The following STK39 variants were observed in gnomAD, a reference collection of about 807,000 sequenced individuals.
STK39 encodes the protein serine/threonine kinase 39.
In STK39, 20 loss-of-function variants were observed where a neutral mutation model predicts 77.8. The ratio of observed to expected loss-of-function variants is 0.26; its 90% CI spans 0.18 to 0.37. The LOEUF (loss-of-function observed/expected upper bound fraction) is 0.37, where lower values mean the gene tolerates loss of function less well. Among genes scored for constraint, STK39 ranks in the 10% least tolerant of loss-of-function variants. The probability of loss-of-function intolerance (pLI) is 1.00; values close to 1 mark genes in which losing one functional copy is unlikely to be tolerated. For missense variants in STK39, 479 were observed against 656.5 expected, an observed-to-expected ratio of 0.73 and a Z score of 2.95; for synonymous variants, 246 against 234.1, an observed-to-expected ratio of 1.05 and a Z score of -0.47.
intron 15 of STK39, among the ~76,000 whole-genome samples, chr2:168,014,358 C>T (rs551593340): frequency 7.9e-5 from 12 of 152,052 alleles, no homozygotes; most frequent in Non-Finnish European, 8.8e-5. Flanking sequence ...GTGGCATGTA[C>T]CTCTGGTCCC....
At chr2:168,022,792 G>T (rs139646087) in intron 14 of STK39, among the ~76,000 whole-genome samples, 28 of 152,230 alleles carry the variant, frequency 1.8e-4, no homozygotes, top group African/African-American at 6.7e-4. Context: ...TCAAATAAAT[G>T]ATACACAGAC....
At chr2:168,085,599 G>T (rs912171030) in intron 10 of STK39, among the ~76,000 whole-genome samples, 34 of 152,328 alleles carry the variant, frequency 2.2e-4, no homozygotes, top group African/African-American at 7.7e-4. Flanking sequence ...GCTGCCACAG[G>T]ATGAAACTTT....
At chr2:168,009,394 A>C (rs1423543303) in intron 16 of STK39, among the ~76,000 whole-genome samples, 1 of 152,194 alleles carries the variant, frequency 6.6e-6, no homozygotes, top group Non-Finnish European at 1.5e-5. Flanking sequence ...AAAAACAAAC[A>C]AGGAAAAGCT....
intron 1 of STK39, among the ~76,000 whole-genome samples, chr2:168,186,946 G>A (rs866028188): frequency 2.6e-5 from 4 of 152,170 alleles, no homozygotes; most frequent in African/African-American, 9.7e-5. Context: ...GATACAGCAT[G>A]ATGAGCATAA....
chr2:167,988,838 G>A lies in STK39; in HGVS notation c.1498+23796C>T, dbSNP rs1027497218. 7.8e-4 allele frequency among the ~76,000 whole-genome samples: 119 copies of A among 152,258 alleles called. 1 individual carries two copies. Among genetic ancestry groups the A allele is most frequent in the Non-Finnish European group, 2.6e-4 (18 of 68,026 alleles). ...GCCTCTAGAAAGCATATGGAACAAA[G>A]AGGACTGAGAAGACTGGCAGCTTAC... On this transcript the variant is annotated intron_variant, in intron 16 of 17. Transcript: ENST00000355999.
rs1296747890 is a variant in STK39, at chr2:168,242,560, A to AAAT, written c.208+4667_208+4668insATT. ...CAAGACTCTTACAAAAAAAAAAAAA[A>AAAT]ATATATATATATATATATATATATA... On this transcript the variant is annotated intron_variant, in intron 1 of 17. Coordinates refer to ENST00000355999, the MANE Select transcript of STK39 (RefSeq NM_013233.3). Among the ~76,000 whole-genome samples, 127 of 44,808 alleles carry AAAT rather than the reference A, an allele frequency of 2.8e-3. 1 individual carries two copies. The highest frequency in any genetic ancestry group is 4.4e-3 in the Non-Finnish European group (108 of 24,640). The allele number at this position is 44,808 out of a possible 152,430, so 29.4% of individuals were successfully genotyped here. A position where few individuals can be genotyped will look rare whatever the true frequency, so the allele number is the denominator to read the frequency against.
intron 16 of STK39, among the ~76,000 whole-genome samples, chr2:168,002,852 G>A (rs1039391516): frequency 2.0e-5 from 3 of 152,154 alleles, no homozygotes; most frequent in Non-Finnish European, 2.9e-5. Context: ...GTGTGTGCAC[G>A]TGTGCTCTCA....
intron 14 of STK39, among the ~76,000 whole-genome samples, chr2:168,056,996 C>T (rs540754040): frequency 6.6e-6 from 1 of 152,278 alleles, no homozygotes; most frequent in South Asian, 2.1e-4. Flanking sequence ...GAGCTTGTAA[C>T]TTCAAAGGCT....
At chr2:168,078,741 CA>C (rs56865790) in intron 10 of STK39, among the ~76,000 whole-genome samples, 1,075 of 86,384 alleles carry the variant, frequency 0.012, 2 homozygotes, top group Middle Eastern at 0.032. Context: ...TCCATCTGTC[CA>C]AAAAAAAAAA....
intron 14 of STK39, among the ~76,000 whole-genome samples, chr2:168,033,985 T>A (rs1056143334): frequency 3.9e-5 from 6 of 152,198 alleles, no homozygotes; most frequent in Non-Finnish European, 7.3e-5. Flanking sequence ...GTATAATCTT[T>A]AGGTGTTGTG....
chr2:168,152,016 A>G (rs1025364942), intron 5 of STK39, among the ~76,000 whole-genome samples: 23 of 152,330 alleles, frequency 1.5e-4, no homozygotes, highest in African/African-American at 5.0e-4. Flanking sequence ...GCCCCAAAGC[A>G]GGTGAATTTT....
intron 5 of STK39, among the ~76,000 whole-genome samples, chr2:168,146,150 A>G (rs1688134156): frequency 6.6e-6 from 1 of 152,226 alleles, no homozygotes; most frequent in African/African-American, 2.4e-5. Flanking sequence ...GTCTGCCTCT[A>G]ATGAATTTTT....
At chr2:168,009,046 T>C (rs1393746446) in intron 16 of STK39, among the ~76,000 whole-genome samples, 2 of 151,968 alleles carry the variant, frequency 1.3e-5, no homozygotes, top group East Asian at 3.9e-4. Flanking sequence ...AAAGAACAAT[T>C]TGAGTGGAGT....
chr2:168,067,332 A>G lies in STK39; in HGVS notation c.1243-1951T>C, dbSNP rs1162855873. On this transcript the variant is annotated intron_variant, in intron 12 of 17. Transcript: ENST00000355999. ...AATAGCTTGGGCCATTCCCTTGGTG[A>G]TAAGTGAGTTCCCACTCTGAGTTCA... 2.0e-5 allele frequency among the ~76,000 whole-genome samples: 3 copies of G among 152,176 alleles called. No homozygotes were observed. In the East Asian group the frequency reaches 5.8e-4, roughly 29 times the overall value.
intron 1 of STK39, among the ~76,000 whole-genome samples, chr2:168,246,739 G>C (rs1430493122): frequency 6.6e-6 from 1 of 152,174 alleles, no homozygotes; most frequent in Non-Finnish European, 1.5e-5. Flanking sequence ...CGACGAGAGG[G>C]TCACGACGGG....
chr2:168,048,503 C>CGCCCGGCCCGGCCCG (rs34876128), intron 14 of STK39, among the ~76,000 whole-genome samples: 26 of 150,500 alleles, frequency 1.7e-4, no homozygotes, highest in East Asian at 1.4e-3. Flanking sequence ...TGAGCCACCG[C>CGCCCGGCCCGGCCCG]GCCCGGCCCG....
At chr2:167,980,958 A>T (rs770898297) in intron 16 of STK39, among the ~76,000 whole-genome samples, 4 of 152,000 alleles carry the variant, frequency 2.6e-5, no homozygotes, top group Non-Finnish European at 4.4e-5. Flanking sequence ...AAATGTACAG[A>T]GTAAGAGTGA....
At chr2:168,191,233 G>A (rs371046431) in intron 1 of STK39, among the ~76,000 whole-genome samples, 6 of 152,240 alleles carry the variant, frequency 3.9e-5, no homozygotes, top group East Asian at 3.9e-4. Flanking sequence ...CCTGACATGC[G>A]GACAATACCC....
At chr2:168,153,714 A>G (rs936349662) in intron 5 of STK39, among the ~76,000 whole-genome samples, 4 of 152,078 alleles carry the variant, frequency 2.6e-5, no homozygotes, top group Non-Finnish European at 2.9e-5. Flanking sequence ...GGAGGTAAGG[A>G]AAAGAGTATT....
Sources: allele counts gnomAD v4.1 joint callset (sites outside exome capture counted in the v4.1 genomes callset), GRCh38; gene constraint gnomAD v4.1.1; transcripts MANE v1.5; gene names NCBI Gene and HGNC (gene_info 2026-07-23, HGNC 2026-07-21).